The following CNTN5 variants were observed in gnomAD, a reference collection of about 807,000 sequenced individuals.
CNTN5 encodes the protein contactin 5.
In CNTN5, 77 loss-of-function variants were observed where a neutral mutation model predicts 129.1. The observed-to-expected ratio is 0.60, with a 90% confidence interval of 0.50 to 0.72. The LOEUF (loss-of-function observed/expected upper bound fraction) is 0.72, where lower values mean the gene tolerates loss of function less well. CNTN5 is among the 30% of genes least tolerant of loss of function. The pLI is 0.00. For missense variants in CNTN5, 1,478 were observed against 1,328.8 expected, an observed-to-expected ratio of 1.11 and a Z score of -1.75; for synonymous variants, 509 against 465.6, an observed-to-expected ratio of 1.09 and a Z score of -1.20.
rs1364375042 is a variant in CNTN5, at chr11:100,358,344, C to T, written c.*2124C>T. 1 of 151,738 alleles carries T rather than the reference C, an allele frequency of 6.6e-6. No individual in the cohort carries two copies. The highest frequency in any genetic ancestry group is 1.5e-5 in the Non-Finnish European group (1 of 67,814). 9.4% of individuals were successfully genotyped at this position (151,738 alleles called of 1,614,324 possible). A position where few individuals can be genotyped will look rare whatever the true frequency, so the allele number is the denominator to read the frequency against. On this transcript the variant is annotated 3_prime_UTR_variant, in exon 25 of 25. Transcript: ENST00000524871. The stretch of plus-strand genomic sequence containing the variant: ...ATTTTTAATTAGCTGATGGATGGTA[C>T]GTATCTGACAGAGTATTTACACATA...
intron 1 of CNTN5, among the ~76,000 whole-genome samples, chr11:99,237,276 G>A (rs1861319747): frequency 6.6e-6 from 1 of 152,074 alleles, no homozygotes; most frequent in South Asian, 2.1e-4. Context: ...TGTTAACACT[G>A]TGTAAGATTG....
intron 2 of CNTN5, among the ~76,000 whole-genome samples, chr11:99,437,984 G>A (rs950016584): frequency 7.1e-6 from 1 of 141,272 alleles, no homozygotes; most frequent in Admixed American, 7.6e-5. Context: ...TCTGTTCCAT[G>A]TACAATATGG....
chr11:99,788,258 T>C (rs1249341584), intron 3 of CNTN5, among the ~76,000 whole-genome samples: 1 of 151,954 alleles, frequency 6.6e-6, no homozygotes, highest in South Asian at 2.1e-4. Flanking sequence ...TGTCTATTCC[T>C]CAAGTTTAAT....
intron 1 of CNTN5, among the ~76,000 whole-genome samples, chr11:99,076,651 A>G (rs565316420): frequency 2.6e-5 from 4 of 152,318 alleles, no homozygotes; most frequent in African/African-American, 9.6e-5. Flanking sequence ...AGATATATTC[A>G]CAAATACAAA....
chr11:99,894,734 C>A (rs559110426), intron 6 of CNTN5, among the ~76,000 whole-genome samples: 2 of 151,994 alleles, frequency 1.3e-5, no homozygotes, highest in Non-Finnish European at 1.5e-5. Context: ...AATGATTATG[C>A]AGAAAAACAA....
intron 2 of CNTN5, among the ~76,000 whole-genome samples, chr11:99,362,010 T>C (rs944294642): frequency 1.3e-5 from 2 of 152,130 alleles, no homozygotes; most frequent in Non-Finnish European, 2.9e-5. Context: ...AATATGATTA[T>C]TTTATAGTTA....
intron 3 of CNTN5, among the ~76,000 whole-genome samples, chr11:99,586,510 C>T (rs891414166): frequency 2.6e-5 from 4 of 152,062 alleles, no homozygotes; most frequent in Admixed American, 6.6e-5. Flanking sequence ...CTGAAATGCC[C>T]GCAGTCTTTG....
chr11:99,334,416 T>C (rs897961650), intron 2 of CNTN5, among the ~76,000 whole-genome samples: 10 of 152,152 alleles, frequency 6.6e-5, no homozygotes, highest in African/African-American at 2.4e-4. Flanking sequence ...ATGGATGTGA[T>C]ACTTATCTTA....
At chr11:99,639,274 G>A (rs2135833828) in intron 3 of CNTN5, among the ~76,000 whole-genome samples, 1 of 152,284 alleles carries the variant, frequency 6.6e-6, no homozygotes, top group South Asian at 2.1e-4. Context: ...CAGAGACCCT[G>A]GGCCTGGCCC....
At chr11:100,179,136 C>A (rs926314648) in intron 13 of CNTN5, among the ~76,000 whole-genome samples, 2 of 152,072 alleles carry the variant, frequency 1.3e-5, no homozygotes, top group Non-Finnish European at 2.9e-5. Context: ...TGTAGTTATC[C>A]TGTTGTGCTC....
At chr11:99,364,242 C>G (rs1471002072) in intron 2 of CNTN5, among the ~76,000 whole-genome samples, 1 of 152,006 alleles carries the variant, frequency 6.6e-6, no homozygotes, top group Non-Finnish European at 1.5e-5. Context: ...ATTTGAACAG[C>G]TCAGAAATAT....
intron 2 of CNTN5, among the ~76,000 whole-genome samples, chr11:99,401,819 A>C (rs61892016): frequency 0.25 from 37,558 of 151,034 alleles, 5,710 homozygotes; most frequent in Non-Finnish European, 0.35. Context: ...CTTAATGCCT[A>C]GATGTTTAAC....
chr11:99,457,867 A>C (rs983715586), intron 2 of CNTN5, among the ~76,000 whole-genome samples: 1 of 151,772 alleles, frequency 6.6e-6, no homozygotes, highest in African/African-American at 2.4e-5. Context: ...CATGAACTCA[A>C]ATTTTCACTT....
intron 13 of CNTN5, among the ~76,000 whole-genome samples, chr11:100,126,721 G>A (rs1946195360): frequency 6.6e-6 from 1 of 152,030 alleles, no homozygotes; most frequent in African/African-American, 2.4e-5. Flanking sequence ...AATGGGTCTT[G>A]TTTTTGTATA....
chr11:99,263,413 TA>T (rs745789393), intron 1 of CNTN5, among the ~76,000 whole-genome samples: 2 of 152,140 alleles, frequency 1.3e-5, no homozygotes, highest in Non-Finnish European at 1.5e-5. Flanking sequence ...CTAATATGCC[TA>T]AAATTGTACA....
At chr11:99,157,039 G>C (rs374548388) in intron 1 of CNTN5, among the ~76,000 whole-genome samples, 65 of 151,866 alleles carry the variant, frequency 4.3e-4, no homozygotes, top group African/African-American at 1.3e-3. Flanking sequence ...ATAAAACCTT[G>C]CATGCATGAT....
intron 3 of CNTN5, among the ~76,000 whole-genome samples, chr11:99,803,045 A>G (rs1017582486): frequency 1.3e-4 from 19 of 151,874 alleles, no homozygotes; most frequent in African/African-American, 4.6e-4. Flanking sequence ...GATCCAGGTG[A>G]ATGGATATTC....
intron 2 of CNTN5, among the ~76,000 whole-genome samples, chr11:99,335,356 G>A (rs927941705): frequency 3.3e-5 from 5 of 151,904 alleles, no homozygotes; most frequent in African/African-American, 9.7e-5. Flanking sequence ...TAAGTTCTCT[G>A]GAGTCATGTT....
intron 24 of CNTN5, among the ~76,000 whole-genome samples, chr11:100,352,644 A>T (rs1952442614): frequency 6.6e-6 from 1 of 151,752 alleles, no homozygotes; most frequent in African/African-American, 2.4e-5. Context: ...GAGAAATCTG[A>T]CTTTTTCAGA....
Sources: allele counts gnomAD v4.1 joint callset (sites outside exome capture counted in the v4.1 genomes callset), GRCh38; gene constraint gnomAD v4.1.1; transcripts MANE v1.5; gene names NCBI Gene and HGNC (gene_info 2026-07-23, HGNC 2026-07-21).